Variants in ICE2 observed in about 807,000 individuals in gnomAD.
ICE2 encodes interactor of little elongation complex ELL subunit 2.
A neutral mutation model predicts 105.4 loss-of-function variants in ICE2; 87 were observed. The observed-to-expected ratio is 0.83, with a 90% CI of 0.69 to 0.99. The LOEUF is 0.99. Ranked by LOEUF, ICE2 falls within the 50% of genes least tolerant of loss-of-function variation. The probability of loss-of-function intolerance (pLI) is 0.00; values close to 1 mark genes in which losing one functional copy is unlikely to be tolerated. For synonymous variants in ICE2, 399 were observed against 392.0 expected, an observed-to-expected ratio of 1.02 and a Z score of -0.21; for missense variants, 1,323 against 1,146.7, an observed-to-expected ratio of 1.15 and a Z score of -2.22.
Position 60,468,146 on chromosome 15 carries a change from T to A in ICE2, c.323A>T (p.Tyr108Phe). 1 of 1,614,070 alleles carries A rather than the reference T, an allele frequency of 6.2e-7. No individual in the cohort carries two copies. Among genetic ancestry groups the A allele is most frequent in the Non-Finnish European group, 8.5e-7 (1 of 1,179,982 alleles). The change falls in exon 4 of 16, where the codon TAT becomes TTT. Residue 108 changes from tyrosine (Y) to phenylalanine (F), a missense_variant. Transcript: ENST00000261520. ...SRFSQREQRS[Y>F]VDLLVKYAKI... ...TGCGTATTTAACCAACAAGTCCACA[T>A]AACTCCTCTGCTCTCTCTGTGAGAA...
Position 60,466,658 on chromosome 15 carries a change from T to C in ICE2, c.464A>G (p.Asn155Ser), listed in dbSNP as rs995436148. 1 of 1,611,458 alleles carries C rather than the reference T, an allele frequency of 6.2e-7. No individual in the cohort carries two copies. The highest frequency in any genetic ancestry group is 1.1e-5 in the South Asian group (1 of 90,874). Residue 155 changes from asparagine (N) to serine (S), a missense_variant, in exon 5 of 16, where the codon AAT (asparagine) becomes AGT (serine). Coordinates refer to ENST00000261520, the MANE Select transcript of ICE2 (RefSeq NM_024611.6). Reference sequence around the variant, plus strand: ...ATCCTGCGCACATTTCTTTGCAGAATTCTGCAAAAACTTTAGGAACTCAGT... The same window carrying C: ...ATCCTGCGCACATTTCTTTGCAGAACTCTGCAAAAACTTTAGGAACTCAGT... ...EVTEFLKFLQ[N>S]SAKKCAQDYN...
At chr15:60,429,556 T>C (rs902667857) in intron 14 of ICE2, among the ~76,000 whole-genome samples, 3 of 152,214 alleles carry the variant, frequency 2.0e-5, no homozygotes, top group African/African-American at 7.2e-5. Flanking sequence ...AAATATATTG[T>C]GCTTTCTTAG....
In ICE2 at chr15:60,449,540, C is replaced by T. The variant is rs750251236; in HGVS notation, c.1427G>A (p.Gly476Asp). Residue 476 changes from glycine (G) to aspartate (D), a missense_variant, in exon 10 of 16, where the codon GGT becomes GAT. Transcript: ENST00000261520. ...KEKQLVTGMD[G>D]GPEECKNKDD... Reference sequence around the variant, plus strand: ...TTTATTTTTGCATTCCTCAGGGCCACCATCCATACCAGTGACCAGCTGTTT... The same window carrying T: ...TTTATTTTTGCATTCCTCAGGGCCATCATCCATACCAGTGACCAGCTGTTT... 1 of 1,614,152 alleles carries T rather than the reference C, an allele frequency of 6.2e-7. No homozygotes were observed. Among genetic ancestry groups the T allele is most frequent in the South Asian group, 1.1e-5 (1 of 91,074 alleles).
At chr15:60,461,750 C>G (rs1019567851) in intron 5 of ICE2, among the ~76,000 whole-genome samples, 1 of 152,090 alleles carries the variant, frequency 6.6e-6, no homozygotes, top group Non-Finnish European at 1.5e-5. Context: ...GAATTATTCT[C>G]AAAACAATGA....
Position 60,450,060 on chromosome 15 carries a change from G to A in ICE2, c.1126-219C>T, listed in dbSNP as rs545531919. Among the ~76,000 whole-genome samples, 49 of 152,216 alleles carry A rather than the reference G, an allele frequency of 3.2e-4. 1 individual carries two copies. The South Asian group carries it at 6.8e-3, about 21-fold the overall frequency. ...TATGTTCATGATAACAGGCAAATTT[G>A]CCAAGTTATAATAGCACAAGAAATG... On this transcript the variant is annotated intron_variant, in intron 9 of 15. Coordinates refer to ENST00000261520, the MANE Select transcript of ICE2 (RefSeq NM_024611.6).
intron 13 of ICE2, among the ~76,000 whole-genome samples, chr15:60,432,875 G>T (rs1457527009): frequency 6.6e-6 from 1 of 152,004 alleles, no homozygotes; most frequent in South Asian, 2.1e-4. Flanking sequence ...CTGGGCAACA[G>T]ACCAAGAATC....
intron 11 of ICE2, chr15:60,445,739 G>C (rs933108339): frequency 1.5e-5 from 15 of 985,134 alleles, no homozygotes; most frequent in Non-Finnish European, 1.8e-5. Flanking sequence ...AATTTCCCTA[G>C]GCTATTCTTA....
intron 3 of ICE2, among the ~76,000 whole-genome samples, chr15:60,475,562 T>C (rs1167137620): frequency 6.6e-6 from 1 of 152,152 alleles, no homozygotes; most frequent in Non-Finnish European, 1.5e-5. Context: ...TATGCAACCA[T>C]TAAGATTGAA....
At chr15:60,453,015 G>C in intron 9 of ICE2, 2 of 924,440 alleles carry the variant, frequency 2.2e-6, no homozygotes, top group Non-Finnish European at 2.6e-6. Context: ...TGGATCACCT[G>C]AAGTCAGAAG....
intron 15 of ICE2, among the ~76,000 whole-genome samples, chr15:60,424,807 A>G (rs1345218890): frequency 6.6e-6 from 1 of 152,204 alleles, no homozygotes; most frequent in Non-Finnish European, 1.5e-5. Context: ...CGCCCAGCCA[A>G]GGTGGTCTAT....
At chr15:60,457,893 C>T (rs1451405558) in intron 5 of ICE2, among the ~76,000 whole-genome samples, 2 of 152,204 alleles carry the variant, frequency 1.3e-5, no homozygotes, top group Admixed American at 6.5e-5. Flanking sequence ...TCACTTGCAA[C>T]ATTCCCTTCC....
At chr15:60,447,577 T>C (rs766029777) in intron 11 of ICE2, 1 of 155,362 alleles carries the variant, frequency 6.4e-6, no homozygotes, top group Non-Finnish European at 1.4e-5. Flanking sequence ...TTTTATACAA[T>C]ATTTTATATA....
rs1452269535 is a variant in ICE2, at chr15:60,419,918, C to T, written c.*3716G>A. ...TCACAAATTCTTTCCAAACTTCTCCCTTCAAGGGTGGAGCTTAAGTGTGGG... is the reference window on the plus strand; with the variant it reads ...TCACAAATTCTTTCCAAACTTCTCCTTTCAAGGGTGGAGCTTAAGTGTGGG... On this transcript the variant is annotated 3_prime_UTR_variant, in exon 16 of 16. Transcript: ENST00000261520. 6.6e-6 allele frequency: 1 copy of T among 152,202 alleles called. No individual in the cohort carries two copies. The highest frequency in any genetic ancestry group is 1.9e-4 in the East Asian group (1 of 5,194). 9.4% of individuals were successfully genotyped at this position (152,202 alleles called of 1,614,324 possible). A position where few individuals can be genotyped will look rare whatever the true frequency, so the allele number is the denominator to read the frequency against.
chr15:60,440,992 T>G (rs545266171), intron 12 of ICE2: 85 of 152,360 alleles, frequency 5.6e-4, no homozygotes, highest in African/African-American at 2.0e-3. Flanking sequence ...CAGTTGATGT[T>G]GAACTGTACA....
intron 2 of ICE2, among the ~76,000 whole-genome samples, chr15:60,477,703 A>G (rs17191435): frequency 0.063 from 9,645 of 152,272 alleles, 402 homozygotes; most frequent in Middle Eastern, 0.12. Context: ...AGGGAATTAT[A>G]CCTAAAAATA....
chr15:60,423,331 ATTAT>A lies in ICE2; in HGVS notation c.*299_*302del, dbSNP rs1776611191. The A allele has an allele frequency of 1.1e-5, 2 of 188,318 alleles. No homozygotes were observed. The highest frequency in any genetic ancestry group is 1.1e-4 in the Admixed American group (2 of 17,532). The allele number at this position is 188,318 out of a possible 1,614,324, so 11.7% of individuals were successfully genotyped here. A position where few individuals can be genotyped will look rare whatever the true frequency, so the allele number is the denominator to read the frequency against. On this transcript the variant is annotated 3_prime_UTR_variant, in exon 16 of 16. Transcript: ENST00000261520. ...AGTGTTGTTCTTGATAAAAAACCAA[ATTAT>A]TTTTCTATTTACAATTTTTAGAAAA...
intron 5 of ICE2, among the ~76,000 whole-genome samples, chr15:60,458,133 C>A (rs529258150): frequency 1.3e-5 from 2 of 152,060 alleles, no homozygotes; most frequent in African/African-American, 2.4e-5. Context: ...ATACAATTAT[C>A]GAAGTATTTT....
At chr15:60,458,801 ATGC>A (rs1451476715) in intron 5 of ICE2, among the ~76,000 whole-genome samples, 5 of 152,162 alleles carry the variant, frequency 3.3e-5, no homozygotes, top group African/African-American at 1.2e-4. Context: ...ATTCTGACAC[ATGC>A]TACTACTTGG....
At chr15:60,460,005 AAAAG>A (rs567194725) in intron 5 of ICE2, among the ~76,000 whole-genome samples, 245 of 152,344 alleles carry the variant, frequency 1.6e-3, no homozygotes, top group African/African-American at 5.5e-3. Flanking sequence ...TTTTATTTTT[AAAAG>A]AAAGGAAAGC....
Sources: gnomAD v4.1 joint callset for allele counts (sites outside exome capture counted in the v4.1 genomes callset) on GRCh38, gnomAD v4.1.1 for gene constraint, MANE v1.5 for transcripts, NCBI Gene and HGNC (gene_info 2026-07-23, HGNC 2026-07-21) for gene names.